RALYL: variants seen among roughly 807,000 people sequenced by gnomAD.
RALYL encodes the protein RNA-binding Raly-like protein.
A neutral mutation model predicts 35.1 loss-of-function variants in RALYL; 29 were observed. The ratio of observed to expected loss-of-function variants is 0.83; its 90% CI spans 0.61 to 1.13. RALYL has a LOEUF of 1.13. Ranked by LOEUF, RALYL falls within the 50% of genes most tolerant of loss-of-function variation. The pLI is 0.00. For missense variants in RALYL, 359 were observed against 360.4 expected, an observed-to-expected ratio of 1.00 and a Z score of 0.03; for synonymous variants, 120 against 127.6, an observed-to-expected ratio of 0.94 and a Z score of 0.40.
At chr8:84,783,283 T>C (rs1414856721) in intron 3 of RALYL, among the ~76,000 whole-genome samples, 1 of 152,148 alleles carries the variant, frequency 6.6e-6, no homozygotes, top group Non-Finnish European at 1.5e-5. Context: ...TCAGAAATCC[T>C]CTCCACAAAG....
intron 2 of RALYL, among the ~76,000 whole-genome samples, chr8:84,550,434 A>G (rs1282238174): frequency 6.6e-6 from 1 of 152,094 alleles, no homozygotes; most frequent in East Asian, 1.9e-4. Flanking sequence ...GAGCAAACTT[A>G]TTTTCCTTAT....
At chr8:84,916,033 A>G (rs1848406959) in intron 8 of RALYL, among the ~76,000 whole-genome samples, 1 of 152,160 alleles carries the variant, frequency 6.6e-6, no homozygotes. Context: ...AAGTTACTGT[A>G]TATGGTATGC....
In RALYL at chr8:84,419,908, T is replaced by G. The variant is rs1436054886; in HGVS notation, c.-23-109391T>G. 1.8e-4 allele frequency among the ~76,000 whole-genome samples: 27 copies of G among 151,820 alleles called. No individual in the cohort carries two copies. The South Asian group carries it at 2.5e-3, about 14-fold the overall frequency. The stretch of plus-strand genomic sequence containing the variant: ...TTTTATGGCTGCATAGTATTCCATG[T>G]TGTATATGTGCCACATTTTCTTAAT... On this transcript the variant is annotated intron_variant, in intron 1 of 8. Transcript: ENST00000521268.
intron 1 of RALYL, among the ~76,000 whole-genome samples, chr8:84,276,886 C>T (rs1010680051): frequency 6.6e-6 from 1 of 152,116 alleles, no homozygotes. Context: ...GACTAGGTTA[C>T]AATTTTATGT....
At chr8:84,688,977 G>A (rs1040125519) in intron 2 of RALYL, among the ~76,000 whole-genome samples, 10 of 151,670 alleles carry the variant, frequency 6.6e-5, no homozygotes, top group African/African-American at 2.2e-4. Context: ...TTTCAACATC[G>A]CTAACTATCA....
chr8:84,694,155 G>T (rs573820528), intron 2 of RALYL, among the ~76,000 whole-genome samples: 1 of 151,982 alleles, frequency 6.6e-6, no homozygotes, highest in South Asian at 2.1e-4. Flanking sequence ...AAATTGGAAA[G>T]GAAGGAGTTG....
At chr8:84,377,990 A>G (rs1021123557) in intron 1 of RALYL, among the ~76,000 whole-genome samples, 1 of 151,920 alleles carries the variant, frequency 6.6e-6, no homozygotes, top group Non-Finnish European at 1.5e-5. Context: ...AAGCAATGAG[A>G]TTACTGGCTA....
chr8:84,782,100 A>T (rs975229455), intron 3 of RALYL, among the ~76,000 whole-genome samples: 1 of 152,102 alleles, frequency 6.6e-6, no homozygotes, highest in Non-Finnish European at 1.5e-5. Context: ...TATGAACTCA[A>T]TAAAAGAATC....
At chr8:84,773,009 CTT>C (rs1815925989) in intron 2 of RALYL, among the ~76,000 whole-genome samples, 1 of 152,084 alleles carries the variant, frequency 6.6e-6, no homozygotes, top group Admixed American at 6.5e-5. Flanking sequence ...TTTTTCTTCT[CTT>C]CCTAGTTGCT....
chr8:84,749,376 G>T (rs1054786317), intron 2 of RALYL, among the ~76,000 whole-genome samples: 18 of 152,016 alleles, frequency 1.2e-4, no homozygotes, highest in African/African-American at 3.6e-4. Flanking sequence ...ATGCAATTCT[G>T]CACCTATTAC....
intron 2 of RALYL, among the ~76,000 whole-genome samples, chr8:84,616,988 A>C (rs561963522): frequency 0.069 from 10,398 of 149,824 alleles, 973 homozygotes; most frequent in African/African-American, 0.2. Context: ...TGTTTTGGTT[A>C]CTGTAGCCTT....
intron 2 of RALYL, among the ~76,000 whole-genome samples, chr8:84,575,322 A>T (rs1809087167): frequency 6.6e-6 from 1 of 152,200 alleles, no homozygotes; most frequent in South Asian, 2.1e-4. Flanking sequence ...AATAGTGAAG[A>T]TTATTCAAAA....
intron 1 of RALYL, among the ~76,000 whole-genome samples, chr8:84,207,250 T>C (rs1818270990): frequency 1.3e-5 from 2 of 151,988 alleles, no homozygotes; most frequent in African/African-American, 4.8e-5. Context: ...AGCCAAAATA[T>C]GGAAACAACC....
At chr8:84,595,364 A>C (rs990067261) in intron 2 of RALYL, among the ~76,000 whole-genome samples, 1 of 152,192 alleles carries the variant, frequency 6.6e-6, no homozygotes, top group Non-Finnish European at 1.5e-5. Context: ...AATTGGGCAC[A>C]GAGTGAATAT....
At chr8:84,494,742 G>A (rs2055802196) in intron 1 of RALYL, among the ~76,000 whole-genome samples, 1 of 152,054 alleles carries the variant, frequency 6.6e-6, no homozygotes, top group Non-Finnish European at 1.5e-5. Flanking sequence ...TTTGCACATT[G>A]ATTTTGTATT....
At chr8:84,501,754 G>A (rs1368576206) in intron 1 of RALYL, among the ~76,000 whole-genome samples, 1 of 150,954 alleles carries the variant, frequency 6.6e-6, no homozygotes, top group African/African-American at 2.4e-5. Flanking sequence ...CTCACAAATG[G>A]CAATTTTTAA....
chr8:84,568,489 G>T (rs1423398520), intron 2 of RALYL, among the ~76,000 whole-genome samples: 1 of 149,718 alleles, frequency 6.7e-6, no homozygotes, highest in African/African-American at 2.5e-5. Flanking sequence ...TTGCTATTGT[G>T]AATAATGCCG....
chr8:84,676,732 G>T (rs1834267228), intron 2 of RALYL, among the ~76,000 whole-genome samples: 1 of 152,164 alleles, frequency 6.6e-6, no homozygotes, highest in Non-Finnish European at 1.5e-5. Context: ...GGGAAACATA[G>T]AAATGAATGC....
chr8:84,663,469 A>G (rs1013773807), intron 2 of RALYL, among the ~76,000 whole-genome samples: 1 of 151,916 alleles, frequency 6.6e-6, no homozygotes, highest in Non-Finnish European at 1.5e-5. Flanking sequence ...TTTCTCCACA[A>G]CCTCACCAGC....
Sources: allele counts gnomAD v4.1 joint callset (sites outside exome capture counted in the v4.1 genomes callset), GRCh38; gene constraint gnomAD v4.1.1; transcripts MANE v1.5; gene names NCBI Gene and HGNC (gene_info 2026-07-23, HGNC 2026-07-21).